CRPPA: variants seen among roughly 807,000 people sequenced by gnomAD.
CRPPA encodes D-ribitol-5-phosphate cytidylyltransferase.
A neutral mutation model predicts 52.0 loss-of-function variants in CRPPA; 43 were observed. The ratio of observed to expected loss-of-function variants is 0.83; its 90% CI spans 0.65 to 1.07. The LOEUF is 1.07. Among genes scored for constraint, CRPPA ranks in the 50% least tolerant of loss-of-function variants. The pLI is 0.00. For missense variants in CRPPA, 629 were observed against 551.7 expected (o/e 1.14, Z -1.40); for synonymous variants, 250 against 203.5 (o/e 1.23, Z -1.94).
At chr7:16,387,074 TATATATATATATACAC>T (rs1428407927) in intron 2 of CRPPA, among the ~76,000 whole-genome samples, 4,717 of 69,706 alleles carry the variant, frequency 0.068, 145 homozygotes, top group South Asian at 0.15. Context: ...TATATATATA[TATATATATATATACAC>T]ACATATATAT....
chr7:16,216,450 A>G (rs1453602745), intron 8 of CRPPA: 8 of 339,548 alleles, frequency 2.4e-5, no homozygotes, highest in Admixed American at 2.3e-4. Context: ...AAGATGGCCG[A>G]GTAGGAACAG....
intron 9 of CRPPA, among the ~76,000 whole-genome samples, chr7:16,121,449 A>C (rs1782478963): frequency 6.6e-6 from 1 of 152,094 alleles, no homozygotes; most frequent in African/African-American, 2.4e-5. Flanking sequence ...TACAATGTGA[A>C]TACAGACTAA....
chr7:16,391,229 T>G (rs1341416159), intron 2 of CRPPA, among the ~76,000 whole-genome samples: 2 of 152,122 alleles, frequency 1.3e-5, no homozygotes, highest in Admixed American at 6.6e-5. Flanking sequence ...AAACATGAAC[T>G]CTATTCTTCT....
rs188773055 is a variant in CRPPA at position 16,409,399 on chromosome 7, T to C, written c.258-3062A>G. Among the ~76,000 whole-genome samples, 221 of 152,252 alleles carry C rather than the reference T, an allele frequency of 1.5e-3. 2 individuals are homozygous for C. The highest frequency in any genetic ancestry group is 5.2e-3 in the African/African-American group (215 of 41,552). ...AGCAGCAATAGGAATCACAAGAGCATAAATTTTACTCTGGCTGCAGGGAGG... is the reference window on the plus strand; with the variant it reads ...AGCAGCAATAGGAATCACAAGAGCACAAATTTTACTCTGGCTGCAGGGAGG... On this transcript the variant is annotated intron_variant, in intron 1 of 9. Coordinates refer to ENST00000407010, the MANE Select transcript of CRPPA (RefSeq NM_001101426.4).
intron 3 of CRPPA, among the ~76,000 whole-genome samples, chr7:16,320,747 A>T (rs1425145120): frequency 1.3e-5 from 2 of 152,202 alleles, no homozygotes; most frequent in Non-Finnish European, 2.9e-5. Context: ...TTTATCACCT[A>T]AAACTCAAAC....
chr7:16,179,145 T>C (rs1416785720), intron 9 of CRPPA, among the ~76,000 whole-genome samples: 2 of 152,142 alleles, frequency 1.3e-5, no homozygotes, highest in Non-Finnish European at 2.9e-5. Context: ...CCATATATTT[T>C]ACAGTTTCCT....
At chr7:16,098,158 G>T (rs780360006) in intron 9 of CRPPA, among the ~76,000 whole-genome samples, 24 of 152,162 alleles carry the variant, frequency 1.6e-4, no homozygotes, top group Non-Finnish European at 3.2e-4. Context: ...TTGGTGGAAT[G>T]CCATCTCAAA....
At chr7:16,385,329 G>GA (rs1211008786) in intron 2 of CRPPA, among the ~76,000 whole-genome samples, 2 of 151,782 alleles carry the variant, frequency 1.3e-5, no homozygotes, top group African/African-American at 4.8e-5. Context: ...AGAAAAATCA[G>GA]AAAAAAATCC....
chr7:16,292,160 C>A (rs573454150), intron 5 of CRPPA, among the ~76,000 whole-genome samples: 58 of 152,046 alleles, frequency 3.8e-4, no homozygotes, highest in Admixed American at 7.2e-4. Context: ...GTTAACAATA[C>A]TCTCTTAACC....
intron 8 of CRPPA, among the ~76,000 whole-genome samples, chr7:16,236,218 T>A (rs987697179): frequency 6.6e-6 from 1 of 152,092 alleles, no homozygotes; most frequent in Admixed American, 6.6e-5. Context: ...GGCCTCTCAC[T>A]ATATTCTCGA....
intron 2 of CRPPA, among the ~76,000 whole-genome samples, chr7:16,377,814 C>T (rs957260920): frequency 6.6e-6 from 1 of 152,164 alleles, no homozygotes; most frequent in African/African-American, 2.4e-5. Flanking sequence ...ATTTCCTATG[C>T]CCCTCAGCAC....
chr7:16,304,388 A>G (rs1437638961), intron 4 of CRPPA, among the ~76,000 whole-genome samples: 1 of 152,186 alleles, frequency 6.6e-6, no homozygotes, highest in Non-Finnish European at 1.5e-5. Flanking sequence ...ACATCAAGCC[A>G]GAATGTTTAC....
intron 9 of CRPPA, among the ~76,000 whole-genome samples, chr7:16,190,906 T>C (rs1287240356): frequency 2.0e-5 from 3 of 152,118 alleles, no homozygotes; most frequent in African/African-American, 7.2e-5. Flanking sequence ...AGAATAATAG[T>C]CTCCAGTTCC....
At chr7:16,342,442 T>A (rs1785871600) in intron 3 of CRPPA, among the ~76,000 whole-genome samples, 1 of 152,138 alleles carries the variant, frequency 6.6e-6, no homozygotes, top group Non-Finnish European at 1.5e-5. Flanking sequence ...ACTTATATTT[T>A]AGGAAAAGGT....
intron 9 of CRPPA, among the ~76,000 whole-genome samples, chr7:16,187,848 T>C (rs1302562097): frequency 6.6e-6 from 1 of 152,120 alleles, no homozygotes; most frequent in Non-Finnish European, 1.5e-5. Flanking sequence ...GAAGCAGGAA[T>C]AATGTAACGA....
chr7:16,304,982 G>A (rs1003261880), intron 4 of CRPPA, among the ~76,000 whole-genome samples: 2 of 152,118 alleles, frequency 1.3e-5, no homozygotes, highest in Admixed American at 1.3e-4. Flanking sequence ...AATTGTACTA[G>A]AACTTTTCAG....
chr7:16,112,044 G>A (rs1013248620), intron 9 of CRPPA, among the ~76,000 whole-genome samples: 6 of 152,124 alleles, frequency 3.9e-5, no homozygotes, highest in East Asian at 3.9e-4. Flanking sequence ...AAAAATTGCC[G>A]TGGCTGATGC....
At chr7:16,124,852 T>TA (rs1341571204) in intron 9 of CRPPA, among the ~76,000 whole-genome samples, 1 of 150,766 alleles carries the variant, frequency 6.6e-6, no homozygotes, top group Non-Finnish European at 1.5e-5. Flanking sequence ...AAATGTCAAT[T>TA]AAAATAATTT....
chr7:16,274,260 G>C (rs1784157155), intron 6 of CRPPA, among the ~76,000 whole-genome samples: 1 of 152,056 alleles, frequency 6.6e-6, no homozygotes, highest in Non-Finnish European at 1.5e-5. Flanking sequence ...GTGTTAGCCA[G>C]GATGGTCTCG....
Sources: allele counts gnomAD v4.1 joint callset (sites outside exome capture counted in the v4.1 genomes callset), GRCh38; gene constraint gnomAD v4.1.1; transcripts MANE v1.5; gene names NCBI Gene and HGNC (gene_info 2026-07-23, HGNC 2026-07-21).